The following QTGAL variants were observed in gnomAD, a reference collection of about 807,000 sequenced individuals.
The protein encoded by QTGAL is BGnT-like protein 1.
At chr17:82,971,677 T>C in the QTGAL span, among the ~76,000 whole-genome samples, 2,185 of 25,094 alleles carry the variant, frequency 0.087, 204 homozygotes, top group African/African-American at 0.21. Flanking sequence ...CAGAAGGACC[T>C]GGTGCCCACC....
chr17:83,008,340 G>A, the QTGAL span, among the ~76,000 whole-genome samples: 1 of 152,248 alleles, frequency 6.6e-6, no homozygotes, highest in Non-Finnish European at 1.5e-5. Flanking sequence ...AGCAGAAAGC[G>A]CAGGCCGCTG....
At chr17:83,040,025 G>A in the QTGAL span, among the ~76,000 whole-genome samples, 3 of 152,300 alleles carry the variant, frequency 2.0e-5, no homozygotes, top group South Asian at 4.1e-4. Flanking sequence ...ATAGCTGTAA[G>A]ACTCCCTCAG....
the QTGAL span, chr17:82,957,178 C>T: frequency 1.2e-6 from 2 of 1,614,188 alleles, no homozygotes; most frequent in Non-Finnish European, 1.7e-6. Flanking sequence ...CGGCCCTGCA[C>T]ACCTGAGAGT....
chr17:82,997,682 A>G, the QTGAL span, among the ~76,000 whole-genome samples: 2 of 152,336 alleles, frequency 1.3e-5, no homozygotes, highest in African/African-American at 4.8e-5. Context: ...GTACATACAC[A>G]CAATGAAGTG....
the QTGAL span, among the ~76,000 whole-genome samples, chr17:83,028,651 C>T: frequency 3.9e-5 from 6 of 152,218 alleles, no homozygotes; most frequent in South Asian, 6.2e-4. Flanking sequence ...ACAGCATCAA[C>T]GCCGCAGAGC....
the QTGAL span, among the ~76,000 whole-genome samples, chr17:82,963,845 G>A: frequency 2.0e-5 from 3 of 151,564 alleles, no homozygotes; most frequent in African/African-American, 7.3e-5. Context: ...CTATAAATTT[G>A]CTAAAAAAAA....
chr17:83,037,912 G>A, the QTGAL span, among the ~76,000 whole-genome samples: 1 of 152,168 alleles, frequency 6.6e-6, no homozygotes, highest in Non-Finnish European at 1.5e-5. The surrounding 1 kb of genome is among the most constrained non-coding windows in gnomAD (Gnocchi z 5.2). Context: ...TGCTTGGGGA[G>A]GCCAGTCCCT....
the QTGAL span, chr17:83,048,884 G>A: frequency 4.5e-5 from 43 of 952,098 alleles, no homozygotes; most frequent in Non-Finnish European, 5.6e-5. Flanking sequence ...CATATGCCGT[G>A]ACAAACAAAA....
At chr17:83,050,141 C>A in the QTGAL span, among the ~76,000 whole-genome samples, 1 of 152,118 alleles carries the variant, frequency 6.6e-6, no homozygotes, top group South Asian at 2.1e-4. Context: ...GAGGCCGAGG[C>A]GGGCAGATCA....
chr17:83,023,470 A>T, the QTGAL span, among the ~76,000 whole-genome samples: 1 of 152,294 alleles, frequency 6.6e-6, no homozygotes, highest in Non-Finnish European at 1.5e-5. Flanking sequence ...AAATAATTCC[A>T]GGCTAAAGCC....
At chr17:83,038,988 ACCAACG>A in the QTGAL span, among the ~76,000 whole-genome samples, 46 of 151,424 alleles carry the variant, frequency 3.0e-4, 10 homozygotes, top group Non-Finnish European at 3.8e-4. Flanking sequence ...TCTATTTCAA[ACCAACG>A]AAAGATAATG....
the QTGAL span, among the ~76,000 whole-genome samples, chr17:82,980,659 C>T: frequency 3.2e-3 from 482 of 152,244 alleles, 9 homozygotes; most frequent in East Asian, 0.034. Context: ...GAAGAGATGA[C>T]GGGGAAAGGT....
chr17:82,999,384 A>G, the QTGAL span, among the ~76,000 whole-genome samples: 1 of 152,240 alleles, frequency 6.6e-6, no homozygotes. Flanking sequence ...CTAAGTGGGT[A>G]AACAAATTGT....
chr17:82,959,810 T>C, the QTGAL span, among the ~76,000 whole-genome samples: 5 of 151,938 alleles, frequency 3.3e-5, no homozygotes, highest in South Asian at 6.2e-4. Flanking sequence ...GGTCTGAAAA[T>C]GTTGGCCCAT....
At chr17:83,024,788 C>T in the QTGAL span, among the ~76,000 whole-genome samples, 3 of 152,276 alleles carry the variant, frequency 2.0e-5, no homozygotes, top group Non-Finnish European at 2.9e-5. Flanking sequence ...GACAGGCAGA[C>T]GCTGTGATGC....
chr17:83,035,181 T>TA, the QTGAL span: 1 of 1,214,652 alleles, frequency 8.2e-7, no homozygotes, highest in Non-Finnish European at 1.2e-6. Flanking sequence ...TATATGATAT[T>TA]CTTTTTTTTT....
chr17:83,005,675 A>G, the QTGAL span: 1 of 703,138 alleles, frequency 1.4e-6, no homozygotes, highest in Admixed American at 2.0e-5. The surrounding 1 kb of genome is among the most constrained non-coding windows in gnomAD (Gnocchi z 5.6). Context: ...AGCGTCCCTA[A>G]GTGGAGAAGA....
At chr17:83,039,168 C>T in the QTGAL span, among the ~76,000 whole-genome samples, 1 of 152,118 alleles carries the variant, frequency 6.6e-6, no homozygotes, top group Non-Finnish European at 1.5e-5. Context: ...CATTTCCTCT[C>T]TGCACCTGTT....
the QTGAL span, among the ~76,000 whole-genome samples, chr17:83,002,074 T>C: frequency 6.6e-6 from 1 of 151,672 alleles, no homozygotes; most frequent in Admixed American, 6.6e-5. Context: ...TTTTTTTAAA[T>C]TTCCCACACT....
Sources: gnomAD v4.1 joint callset for allele counts (sites outside exome capture counted in the v4.1 genomes callset) on GRCh38, gnomAD v4.1.1 for gene constraint, Gnocchi (gnomAD v3.1) non-coding constraint, MANE v1.5 for transcripts, NCBI Gene and HGNC (gene_info 2026-07-23, HGNC 2026-07-21) for gene names.